DSCAM: variants seen among roughly 807,000 people sequenced by gnomAD.
DSCAM encodes the protein cell adhesion molecule DSCAM.
In DSCAM, 47 loss-of-function variants were observed where a neutral mutation model predicts 217.7. The observed-to-expected ratio is 0.22, with a 90% CI of 0.17 to 0.28. DSCAM has a LOEUF of 0.28. DSCAM is among the 10% of genes least tolerant of loss of function. The pLI is 1.00. For synonymous variants in DSCAM, 1,056 were observed against 1,015.3 expected, an observed-to-expected ratio of 1.04 and a Z score of -0.76; for missense variants, 2,080 against 2,618.3, an observed-to-expected ratio of 0.79 and a Z score of 4.49.
intron 3 of DSCAM, among the ~76,000 whole-genome samples, chr21:40,611,358 A>G (rs1440322008): frequency 6.6e-6 from 1 of 152,138 alleles, no homozygotes; most frequent in East Asian, 1.9e-4. Flanking sequence ...TGCCCGGCCT[A>G]GTTTTCAATT....
At chr21:40,611,635 G>A (rs1411430139) in intron 3 of DSCAM, among the ~76,000 whole-genome samples, 1 of 152,020 alleles carries the variant, frequency 6.6e-6, no homozygotes, top group East Asian at 1.9e-4. Flanking sequence ...CATTTGAGAT[G>A]CACAGGTAAG....
intron 20 of DSCAM, among the ~76,000 whole-genome samples, chr21:40,102,072 G>A (rs2089759256): frequency 1.3e-5 from 2 of 149,206 alleles, no homozygotes; most frequent in African/African-American, 5.0e-5. Flanking sequence ...GGAGCAAGAA[G>A]TGACCACAGC....
intron 6 of DSCAM, among the ~76,000 whole-genome samples, chr21:40,346,389 G>T (rs894902196): frequency 6.6e-6 from 1 of 152,088 alleles, no homozygotes; most frequent in Non-Finnish European, 1.5e-5. Flanking sequence ...GGTTAAAAAA[G>T]AATGACAGAA....
rs763982794 is a variant in DSCAM at position 40,062,898 on chromosome 21, A to G, written c.4890T>C (p.Asp1630=). 2 of 1,598,970 alleles carry G rather than the reference A, an allele frequency of 1.3e-6. No individual in the cohort carries two copies. Among genetic ancestry groups the G allele is most frequent in the Non-Finnish European group, 1.7e-6 (2 of 1,175,226 alleles). ...TGAGCATTTCAGCTAAACTCTTTGC[A>G]TCTGGGGAAAGAAAGTTAACATTAG... is the stretch of plus-strand genomic sequence containing the variant. ...RREQRLKRLR[D]AKSLAEMLMS... The change falls in exon 28 of 33, where the codon GAT becomes GAC. Residue 1630 remains aspartate, a splice_region_variant and synonymous_variant. Coordinates refer to ENST00000400454, the MANE Select transcript of DSCAM (RefSeq NM_001389.5).
At chr21:40,465,191 C>G (rs1461119936) in intron 3 of DSCAM, among the ~76,000 whole-genome samples, 2 of 152,094 alleles carry the variant, frequency 1.3e-5, no homozygotes, top group African/African-American at 4.8e-5. Flanking sequence ...CTTCAACATC[C>G]TTTCTCATCA....
At chr21:40,060,321 A>T (rs1328320084) in intron 28 of DSCAM, among the ~76,000 whole-genome samples, 1 of 152,224 alleles carries the variant, frequency 6.6e-6, no homozygotes, top group Non-Finnish European at 1.5e-5. Context: ...AGGGAGAAGG[A>T]GTAGGAATGT....
chr21:40,225,272 A>G (rs893360235), intron 11 of DSCAM, among the ~76,000 whole-genome samples: 11 of 152,062 alleles, frequency 7.2e-5, no homozygotes, highest in Admixed American at 2.0e-4. Context: ...ACCTGCCCCA[A>G]CCACTTGACC....
intron 1 of DSCAM, among the ~76,000 whole-genome samples, chr21:40,726,907 A>C (rs951028767): frequency 1.8e-4 from 27 of 152,248 alleles, no homozygotes; most frequent in Middle Eastern, 3.4e-3. Context: ...TGGTGACTTT[A>C]TAAGAAGAGG....
intron 3 of DSCAM, among the ~76,000 whole-genome samples, chr21:40,508,804 T>TAC (rs2076235439): frequency 8.4e-6 from 1 of 119,278 alleles, no homozygotes; most frequent in Non-Finnish European, 1.7e-5. Context: ...TTTTTTTTTT[T>TAC]TTTTTTACTT....
Position 40,782,835 on chromosome 21 carries a change from T to A in DSCAM, c.43+63784A>T, listed in dbSNP as rs563922634. Among the ~76,000 whole-genome samples the A allele has an allele frequency of 1.3e-5, 2 of 152,362 alleles. 1 individual carries two copies. Among genetic ancestry groups the A allele is most frequent in the African/African-American group, 4.8e-5 (2 of 41,578 alleles). ...AATAAATAAGTGTCATATTAAGAAT[T>A]GCTTCTCCGTAATGCAAGTGACCTT... On this transcript the variant is annotated intron_variant, in intron 1 of 32. Coordinates refer to ENST00000400454, the MANE Select transcript of DSCAM (RefSeq NM_001389.5).
chr21:40,348,447 A>T (rs898151361), intron 5 of DSCAM, among the ~76,000 whole-genome samples: 9 of 151,548 alleles, frequency 5.9e-5, no homozygotes, highest in Non-Finnish European at 1.2e-4. Context: ...CATACCCCAT[A>T]CGGTTCCTAT....
At chr21:40,194,236 G>A (rs1353937565) in intron 11 of DSCAM, among the ~76,000 whole-genome samples, 1 of 152,116 alleles carries the variant, frequency 6.6e-6, no homozygotes, top group Non-Finnish European at 1.5e-5. Flanking sequence ...AGAGAGAAAT[G>A]CTCTGACTAG....
intron 1 of DSCAM, among the ~76,000 whole-genome samples, chr21:40,830,116 G>A (rs1207718871): frequency 1.3e-5 from 2 of 152,166 alleles, no homozygotes; most frequent in African/African-American, 2.4e-5. Context: ...AAAGAAAGGC[G>A]GTTTCATTGG....
chr21:40,698,869 TAA>T lies in DSCAM; in HGVS notation c.362-5915_362-5914del, dbSNP rs56775350. On this transcript the variant is annotated intron_variant, in intron 2 of 32. Transcript: ENST00000400454. ...TGGGCGACAGAGCGAGAATCCGTCT[TAA>T]AAAAAAAAAAAAAAAAAAAAAAAGA... Among the ~76,000 whole-genome samples, 958 of 107,966 alleles carry T rather than the reference TAA, an allele frequency of 8.9e-3. 14 individuals are homozygous for T. The highest frequency in any genetic ancestry group is 0.03 in the African/African-American group (835 of 27,806). 70.8% of individuals were successfully genotyped at this position (107,966 alleles called of 152,430 possible).
intron 11 of DSCAM, among the ~76,000 whole-genome samples, chr21:40,247,245 A>G (rs2073238701): frequency 6.6e-6 from 1 of 152,080 alleles, no homozygotes; most frequent in South Asian, 2.1e-4. Flanking sequence ...CCCCTCCAAA[A>G]TCTCATGTCC....
At position 40,824,842 on chromosome 21, in the gene DSCAM, C is replaced by G. The variant is rs2091955678; in HGVS notation, c.43+21777G>C. 2.6e-5 allele frequency among the ~76,000 whole-genome samples: 4 copies of G among 152,268 alleles called. No homozygotes were observed. In the South Asian group the frequency reaches 6.2e-4, roughly 24 times the overall value. On this transcript the variant is annotated intron_variant, in intron 1 of 32. Transcript: ENST00000400454. ...TTCTCCTGCCAATCTTTTCACTGCC[C>G]ACGTTTCCCAGTCAAAAGCATACAC... is the stretch of plus-strand genomic sequence containing the variant.
chr21:40,582,535 C>G (rs1439522649), intron 3 of DSCAM, among the ~76,000 whole-genome samples: 2 of 152,120 alleles, frequency 1.3e-5, no homozygotes, highest in East Asian at 3.9e-4. Context: ...GCTTTTGTAA[C>G]AATTCCCAAA....
intron 3 of DSCAM, among the ~76,000 whole-genome samples, chr21:40,446,603 T>C (rs542488830): frequency 6.6e-6 from 1 of 152,094 alleles, no homozygotes; most frequent in African/African-American, 2.4e-5. Flanking sequence ...AAAAAGCAAA[T>C]GTGTTTAGTG....
intron 32 of DSCAM, among the ~76,000 whole-genome samples, chr21:40,033,159 T>TG (rs376851159): frequency 1.3e-5 from 2 of 151,972 alleles, no homozygotes; most frequent in Admixed American, 6.6e-5. Context: ...GTATTGTGCC[T>TG]GGGGGGGAGG....
Sources: allele counts gnomAD v4.1 joint callset (sites outside exome capture counted in the v4.1 genomes callset), GRCh38; gene constraint gnomAD v4.1.1; transcripts MANE v1.5; gene names NCBI Gene and HGNC (gene_info 2026-07-23, HGNC 2026-07-21).